The following EGF variants were observed in gnomAD, a reference collection of about 807,000 sequenced individuals.
The protein encoded by EGF is epidermal growth factor.
EGF carries 95 observed loss-of-function variants against 143.8 expected under a neutral mutation model. That is an observed-to-expected ratio of 0.66 (90% CI 0.56 to 0.78). EGF has a LOEUF of 0.78. EGF is among the 30% of genes least tolerant of loss of function. EGF has a pLI of 0.00. For missense variants in EGF, 1,320 were observed against 1,470.9 expected, an observed-to-expected ratio of 0.90 and a Z score of 1.68; for synonymous variants, 510 against 510.5, an observed-to-expected ratio of 1.00 and a Z score of 0.01.
rs573617792 is a variant in EGF at position 109,984,665 on chromosome 4, G to A, written c.2491+1124G>A. 2.0e-5 allele frequency among the ~76,000 whole-genome samples: 3 copies of A among 152,274 alleles called. No homozygotes were observed. In the South Asian group the frequency reaches 6.2e-4, roughly 32 times the overall value. ...AAAATCCAGGTATAAGTGGACCTGT[G>A]CAGTTCAAACCCGTGTTGTTCAAGG... On this transcript the variant is annotated intron_variant, in intron 16 of 23. Transcript: ENST00000265171.
chr4:109,935,739 G>A (rs1364215838), intron 1 of EGF, among the ~76,000 whole-genome samples: 1 of 151,390 alleles, frequency 6.6e-6, no homozygotes, highest in Non-Finnish European at 1.5e-5. Context: ...TCAATACCAA[G>A]AGTTTTTAGC....
At chr4:109,936,725 T>A (rs1740875389) in intron 1 of EGF, among the ~76,000 whole-genome samples, 1 of 152,218 alleles carries the variant, frequency 6.6e-6, no homozygotes, top group Non-Finnish European at 1.5e-5. Context: ...GTCTCAGAGA[T>A]TCTGGTACAT....
chr4:109,932,373 A>ATATATATATATATATATATATATG (rs1560643370), intron 1 of EGF, among the ~76,000 whole-genome samples: 1 of 126,078 alleles, frequency 7.9e-6, no homozygotes, highest in African/African-American at 3.1e-5. Context: ...ATATATATAT[A>ATATATATATATATATATATATATG]TATAAATTTT....
chr4:109,993,252 G>T lies in EGF; in HGVS notation c.2740G>T (p.Asp914Tyr). 6.2e-7 allele frequency: 1 copy of T among 1,613,688 alleles called. No individual in the cohort carries two copies. The highest frequency in any genetic ancestry group is 1.1e-5 in the South Asian group (1 of 91,046). ...QGDGIHCLDI[D>Y]ECQLGEHSCG... ...TACTCTGTCTTTTCTGACAGATATTGATGAGTGCCAACTGGGGGAGCACAG... is the reference window on the plus strand; with the variant it reads ...TACTCTGTCTTTTCTGACAGATATTTATGAGTGCCAACTGGGGGAGCACAG... The change falls in exon 19 of 24, where the codon GAT (aspartate) becomes TAT (tyrosine). Residue 914 changes from aspartate to tyrosine, a missense_variant. By Grantham distance (160) the Asp-to-Tyr change is radical. Transcript: ENST00000265171.
intron 16 of EGF, among the ~76,000 whole-genome samples, chr4:109,985,733 C>T (rs999529374): frequency 2.6e-5 from 4 of 152,194 alleles, no homozygotes; most frequent in African/African-American, 9.7e-5. Flanking sequence ...ACTTCAATAA[C>T]TAATTATGCA....
intron 13 of EGF, among the ~76,000 whole-genome samples, chr4:109,978,264 A>C (rs1417950874): frequency 6.6e-6 from 1 of 152,260 alleles, no homozygotes; most frequent in African/African-American, 2.4e-5. Flanking sequence ...TGTTGTATGC[A>C]ATAAAAACAT....
intron 1 of EGF, among the ~76,000 whole-genome samples, chr4:109,915,518 T>A (rs955568659): frequency 3.3e-5 from 5 of 152,168 alleles, no homozygotes; most frequent in Non-Finnish European, 7.3e-5. Flanking sequence ...ACTTTGGGAT[T>A]CCCTGCCTCT....
intron 10 of EGF, among the ~76,000 whole-genome samples, chr4:109,965,150 G>C (rs10011112): frequency 2.6e-5 from 4 of 151,912 alleles, no homozygotes; most frequent in Admixed American, 6.6e-5. Flanking sequence ...TTGTATCTGT[G>C]CTAGGTTAGA....
rs940514153 is a variant in EGF, at chr4:109,947,379, T to C, written c.940+2104T>C. On this transcript the variant is annotated intron_variant, in intron 5 of 23. Coordinates refer to ENST00000265171, the MANE Select transcript of EGF (RefSeq NM_001963.6). ...AGAATTGTTTATATCTTCTACTTTC[T>C]TTTTTTTTTTTTTAAGATGGAGTCT... 2.1e-5 allele frequency among the ~76,000 whole-genome samples: 3 copies of C among 142,230 alleles called. No homozygotes were observed. In the Admixed American group the frequency reaches 2.1e-4, roughly 10 times the overall value. 93.3% of individuals were successfully genotyped at this position (142,230 alleles called of 152,430 possible).
chr4:110,006,178 A>C (rs1166178653), intron 22 of EGF, among the ~76,000 whole-genome samples: 4 of 132,078 alleles, frequency 3.0e-5, no homozygotes, highest in Admixed American at 2.1e-4. Context: ...TTTCTTTAAA[A>C]AGATTAAAAA....
At chr4:109,933,021 T>C (rs1740064551) in intron 1 of EGF, among the ~76,000 whole-genome samples, 1 of 152,230 alleles carries the variant, frequency 6.6e-6, no homozygotes. Flanking sequence ...AAAACTTGTT[T>C]CTGGCAAAAA....
intron 11 of EGF, among the ~76,000 whole-genome samples, chr4:109,970,623 G>A (rs1051585838): frequency 5.3e-5 from 8 of 152,034 alleles, no homozygotes; most frequent in Admixed American, 1.3e-4. Flanking sequence ...TCAGGAGATC[G>A]AGACCATCCT....
intron 5 of EGF, among the ~76,000 whole-genome samples, chr4:109,947,613 C>G (rs765437457): frequency 2.6e-5 from 4 of 152,178 alleles, no homozygotes; most frequent in Non-Finnish European, 5.9e-5. Context: ...CTGCCACATA[C>G]CTTCCATGGG....
intron 14 of EGF, among the ~76,000 whole-genome samples, 158 bp downstream of exon 14, chr4:109,980,297 A>AC (rs1700651967): frequency 6.6e-6 from 1 of 152,308 alleles, no homozygotes; most frequent in South Asian, 2.1e-4. Flanking sequence ...TTTGTTTAAG[A>AC]CAATCTGGTA....
chr4:109,977,927 C>T (rs1257949239), intron 13 of EGF, among the ~76,000 whole-genome samples: 1 of 152,184 alleles, frequency 6.6e-6, no homozygotes, highest in African/African-American at 2.4e-5. Flanking sequence ...TTGAAAATTT[C>T]TAACCCGAAT....
chr4:109,924,084 T>A (rs761487366), intron 1 of EGF, among the ~76,000 whole-genome samples: 1 of 151,748 alleles, frequency 6.6e-6, no homozygotes, highest in Non-Finnish European at 1.5e-5. Context: ...AATTTTTTAG[T>A]GCATATAGAA....
At chr4:109,991,463 G>A (rs1307786611) in intron 18 of EGF, among the ~76,000 whole-genome samples, 1 of 152,126 alleles carries the variant, frequency 6.6e-6, no homozygotes, top group Non-Finnish European at 1.5e-5. Flanking sequence ...TTGTGCTGGA[G>A]GGAGAATAAT....
chr4:109,946,890 A>G (rs1742953955), intron 5 of EGF, among the ~76,000 whole-genome samples: 1 of 152,144 alleles, frequency 6.6e-6, no homozygotes, highest in South Asian at 2.1e-4. Context: ...AGGCCGAGGT[A>G]GATAGATCCC....
rs1442959202 is a variant in EGF at position 110,012,689 on chromosome 4, G to C, written c.*1234G>C. ...AGCCTCCCAACGTATTAGATTATAG[G>C]CATTAGCCATGGTGCCCAGCCTTGT... On this transcript the variant is annotated 3_prime_UTR_variant, in exon 24 of 24. Transcript: ENST00000265171. 6.6e-6 allele frequency among the ~76,000 whole-genome samples: 1 copy of C among 152,044 alleles called. No individual in the cohort carries two copies. Among genetic ancestry groups the C allele is most frequent in the African/African-American group, 2.4e-5 (1 of 41,376 alleles).
Sources: allele counts gnomAD v4.1 joint callset (sites outside exome capture counted in the v4.1 genomes callset), GRCh38; gene constraint gnomAD v4.1.1; transcripts MANE v1.5; gene names NCBI Gene and HGNC (gene_info 2026-07-23, HGNC 2026-07-21).